PKD1L1: variants seen among roughly 807,000 people sequenced by gnomAD.
The protein encoded by PKD1L1 is polycystin 1 like 1, transient receptor potential channel interacting, also known as polycystin-1-like protein 1.
A neutral mutation model predicts 323.4 loss-of-function variants in PKD1L1; 236 were observed. The ratio of observed to expected loss-of-function variants is 0.73; its 90% CI spans 0.66 to 0.81. PKD1L1 has a LOEUF of 0.81. PKD1L1 is among the 40% of genes least tolerant of loss of function. The pLI is 0.00. For missense variants in PKD1L1, 3,320 were observed against 3,508.0 expected (o/e 0.95, Z 1.35); for synonymous variants, 1,344 against 1,335.0 (o/e 1.01, Z -0.15).
intron 52 of PKD1L1, among the ~76,000 whole-genome samples, chr7:47,806,015 C>T (rs967302001): frequency 6.6e-6 from 1 of 152,154 alleles, no homozygotes. Context: ...GGAAGAGGGG[C>T]TCTCCCCAGG....
At chr7:47,883,520 C>T (rs1490822718) in intron 19 of PKD1L1, among the ~76,000 whole-genome samples, 1 of 152,232 alleles carries the variant, frequency 6.6e-6, no homozygotes, top group Non-Finnish European at 1.5e-5. Context: ...TGTCTCCTGA[C>T]CTCCCTGCAG....
At chr7:47,949,449 G>A (rs1583699765), upstream of PKD1L1, among the ~76,000 whole-genome samples, 1 of 147,736 alleles carries the variant, frequency 6.8e-6, no homozygotes, top group Admixed American at 6.8e-5. Context: ...GAGCAGAAGA[G>A]CATTCCTAAG....
chr7:47,835,837 A>C (rs1369300690), intron 37 of PKD1L1, among the ~76,000 whole-genome samples: 1 of 152,214 alleles, frequency 6.6e-6, no homozygotes, highest in Non-Finnish European at 1.5e-5. Context: ...TGAAAAAAAC[A>C]CAAGAAATCA....
At chr7:47,792,604 T>A in intron 56 of PKD1L1, 23 bp downstream of exon 56, 4 of 1,566,900 alleles carry the variant, frequency 2.6e-6, no homozygotes, top group Non-Finnish European at 2.6e-6. Context: ...AAAATTGACA[T>A]AAATAATTTT....
At chr7:47,942,138 T>C (rs1437736015) in intron 2 of PKD1L1, among the ~76,000 whole-genome samples, 5 of 152,156 alleles carry the variant, frequency 3.3e-5, no homozygotes, top group Admixed American at 3.3e-4. Flanking sequence ...CACCCCTCTC[T>C]AATTTTGTTT....
In PKD1L1 at chr7:47,870,981, AAAG is replaced by A. The variant is rs1259490722; in HGVS notation, c.3896+2915_3896+2917del. Among the ~76,000 whole-genome samples the A allele has an allele frequency of 4.7e-4, 64 of 134,790 alleles. 5 individuals carry two copies. The highest frequency in any genetic ancestry group is 5.2e-4 in the Non-Finnish European group (32 of 61,384). 88.4% of individuals were successfully genotyped at this position (134,790 alleles called of 152,430 possible). A position where few individuals can be genotyped will look rare whatever the true frequency, so the allele number is the denominator to read the frequency against. ...GATGGAAACCTTGTCTCAAAAAAAA[AAAG>A]AAAAAAAAAAAAAAAGGAATACTTC... On this transcript the variant is annotated intron_variant, in intron 24 of 56. Transcript: ENST00000289672.
At chr7:47,930,771 C>A (rs894930321) in intron 6 of PKD1L1, among the ~76,000 whole-genome samples, 1 of 152,076 alleles carries the variant, frequency 6.6e-6, no homozygotes, top group Non-Finnish European at 1.5e-5. Flanking sequence ...GCCGAGATCA[C>A]GCCACTGCAC....
rs781337672 is a variant in PKD1L1 at position 47,811,983 on chromosome 7, A to G, written c.7415T>C (p.Val2472Ala). 1.6e-5 allele frequency: 26 copies of G among 1,595,470 alleles called. No homozygotes were observed. The highest frequency in any genetic ancestry group is 5.2e-5 in the Admixed American group (3 of 57,200). ...GTTATAGAGAGTGAAGTGCACAGAC[A>G]CAGCCCTGGTGCTGCGGTCAATCCA... ...SMWIDRSTRA[V>A]SVHFTLYNPP... The change falls in exon 50 of 57, where the codon GTG (valine) becomes GCG (alanine). Residue 2472 changes from valine (V) to alanine (A), a missense_variant. By Grantham distance (64) the Val-to-Ala change is moderately conservative. Coordinates refer to ENST00000289672, the MANE Select transcript of PKD1L1 (RefSeq NM_138295.5).
intron 24 of PKD1L1, among the ~76,000 whole-genome samples, chr7:47,867,616 G>T (rs10951933): frequency 0.19 from 29,457 of 152,140 alleles, 3,078 homozygotes; most frequent in Middle Eastern, 0.24. Context: ...TGCCTATGAG[G>T]AGACTCAGAT....
At position 47,929,239 on chromosome 7, in the gene PKD1L1, G is replaced by A. The variant is rs2128755180; in HGVS notation, c.1025C>T (p.Ala342Val). 1 of 1,614,138 alleles carries A rather than the reference G, an allele frequency of 6.2e-7. No individual in the cohort carries two copies. The highest frequency in any genetic ancestry group is 8.5e-7 in the Non-Finnish European group (1 of 1,180,022). ...VEMRLHNMSE[A>V]MAVTAYHQYS... Reference sequence around the variant, plus strand: ...CTGGTGGTAGGCAGTCACCGCCATTGCCTCAGACATGTTGTGTAGCCTCAT... The same window carrying A: ...CTGGTGGTAGGCAGTCACCGCCATTACCTCAGACATGTTGTGTAGCCTCAT... Residue 342 changes from alanine (A) to valine (V), a missense_variant, in exon 7 of 57, where the codon GCA (alanine) becomes GTA (valine). Transcript: ENST00000289672.
intron 56 of PKD1L1, 146 bp from the exon 57 acceptor site, chr7:47,775,312 T>C (rs1786543562): frequency 1.3e-6 from 1 of 784,270 alleles, no homozygotes; most frequent in South Asian, 1.9e-5. Context: ...ACAGAACACT[T>C]TGCTCAACAA....
chr7:47,813,631 T>C (rs916764581), intron 48 of PKD1L1: 3 of 664,298 alleles, frequency 4.5e-6, no homozygotes, highest in Non-Finnish European at 8.3e-6. Flanking sequence ...ATATTCTATT[T>C]TTAGATTGTT....
In PKD1L1 at chr7:47,908,117, A is replaced by G; in HGVS notation, c.1362T>C (p.Asp454=). The stretch of plus-strand genomic sequence containing the variant: ...GGGAGTCAGCAAAGACAAGCACTTC[A>G]TCTTCATGGACACTGCTGGAGTTCA... ...AFMNSSSVHE[D]EVLVFADSQV... The change falls in exon 9 of 57, where the codon GAT becomes GAC. Residue 454 remains aspartate (D), a synonymous_variant. Transcript: ENST00000289672. 2 of 1,614,194 alleles carry G rather than the reference A, an allele frequency of 1.2e-6. No individual in the cohort carries two copies. Among genetic ancestry groups the G allele is most frequent in the Non-Finnish European group, 1.7e-6 (2 of 1,180,038 alleles).
intron 46 of PKD1L1, among the ~76,000 whole-genome samples, chr7:47,816,688 CA>C (rs1205361162): frequency 6.6e-6 from 1 of 152,162 alleles, no homozygotes; most frequent in Non-Finnish European, 1.5e-5. Flanking sequence ...GGAATTTTGT[CA>C]TAAGGTGAGA....
chr7:47,942,878 G>A (rs540429539), intron 2 of PKD1L1, among the ~76,000 whole-genome samples: 1 of 152,170 alleles, frequency 6.6e-6, no homozygotes, highest in African/African-American at 2.4e-5. Context: ...CAGGCGCCGT[G>A]GCTCATGCCT....
At position 47,905,330 on chromosome 7, in the gene PKD1L1, G is replaced by A. The variant is rs1464010718; in HGVS notation, c.1523-5C>T. On this transcript the variant is annotated splice_region_variant and splice_polypyrimidine_tract_variant and intron_variant, in intron 10 of 56. Transcript: ENST00000289672. Reference sequence around the variant, plus strand: ...CATTTGTGTAGACAGAGACGGCTGTGGCAAAAGAAAGGAAGGTATGTCTAT... The same window carrying A: ...CATTTGTGTAGACAGAGACGGCTGTAGCAAAAGAAAGGAAGGTATGTCTAT... The A allele has an allele frequency of 1.9e-6, 3 of 1,612,756 alleles. No homozygotes were observed. The highest frequency in any genetic ancestry group is 3.3e-5 in the Admixed American group (2 of 59,830).
At chr7:47,808,432 G>C in intron 51 of PKD1L1, 45 bp from the exon 52 acceptor site, 1 of 1,608,176 alleles carries the variant, frequency 6.2e-7, no homozygotes, top group Non-Finnish European at 8.5e-7. Context: ...CCTGAGGAAG[G>C]GCTTACCTGG....
chr7:47,892,597 G>A (rs1786845057), intron 15 of PKD1L1, among the ~76,000 whole-genome samples: 1 of 152,042 alleles, frequency 6.6e-6, no homozygotes, highest in Non-Finnish European at 1.5e-5. Context: ...TTACCTAATG[G>A]GTACAATGTA....
chr7:47,946,490 G>A lies in PKD1L1; in HGVS notation c.44+1907C>T, dbSNP rs925072678. 1.4e-4 allele frequency among the ~76,000 whole-genome samples: 16 copies of A among 111,070 alleles called. No homozygotes were observed. The highest frequency in any genetic ancestry group is 2.7e-4 in the African/African-American group (9 of 32,972). 72.9% of individuals were successfully genotyped at this position (111,070 alleles called of 152,430 possible). ...ACACATCGCACACACCACACACCAC[G>A]CACCACACAAACACACCATACACAC... On this transcript the variant is annotated intron_variant, in intron 1 of 56. Transcript: ENST00000289672. This position sits in a 1 kb window ranked among gnomAD's most constrained non-coding sequence, Gnocchi z 4.1.
Sources: allele counts gnomAD v4.1 joint callset (sites outside exome capture counted in the v4.1 genomes callset), GRCh38; gene constraint gnomAD v4.1.1; non-coding constraint Gnocchi (gnomAD v3.1); transcripts MANE v1.5; gene names NCBI Gene and HGNC (gene_info 2026-07-23, HGNC 2026-07-21).